SOCS6: variants seen among roughly 807,000 people sequenced by gnomAD.
SOCS6 encodes suppressor of cytokine signaling 6.
A neutral mutation model predicts 27.7 loss-of-function variants in SOCS6; 5 were observed. The observed-to-expected ratio is 0.18, with a 90% confidence interval of 0.09 to 0.38. SOCS6 has a LOEUF of 0.38. Among genes scored for constraint, SOCS6 ranks in the 10% least tolerant of loss-of-function variants. The pLI is 1.00. For missense variants in SOCS6, 595 were observed against 688.1 expected, an observed-to-expected ratio of 0.86 and a Z score of 1.51; for synonymous variants, 271 against 260.0, an observed-to-expected ratio of 1.04 and a Z score of -0.41.
intron 1 of SOCS6, among the ~76,000 whole-genome samples, chr18:70,304,978 G>A (rs993260709): frequency 2.0e-5 from 3 of 152,094 alleles, no homozygotes; most frequent in African/African-American, 7.2e-5. Flanking sequence ...ATGCCGAGGT[G>A]GGCGGATCTG....
At chr18:70,324,494 T>C (rs1312722908) in intron 1 of SOCS6, 49 bp from the exon 2 acceptor site, 6 of 518,452 alleles carry the variant, frequency 1.2e-5, no homozygotes, top group South Asian at 2.8e-5. Flanking sequence ...AACAAAACTT[T>C]TGTGGAAATA....
Position 70,328,840 on chromosome 18 carries a change from A to AAG in SOCS6, c.*2574_*2575dup, listed in dbSNP as rs879812271. ...TCCAGTTAAAAGTGGAAACAGGGAA[A>AAG]AGAGAGAGAGAAAACTCATCATTTA... On this transcript the variant is annotated 3_prime_UTR_variant, in exon 2 of 2. Coordinates refer to ENST00000397942, the MANE Select transcript of SOCS6 (RefSeq NM_004232.4). 3 of 167,052 alleles carry AAG rather than the reference A, an allele frequency of 1.8e-5. No individual in the cohort carries two copies. The highest frequency in any genetic ancestry group is 7.2e-5 in the African/African-American group (3 of 41,454). 10.3% of individuals were successfully genotyped at this position (167,052 alleles called of 1,614,324 possible). A position where few individuals can be genotyped will look rare whatever the true frequency, so the allele number is the denominator to read the frequency against.
intron 1 of SOCS6, among the ~76,000 whole-genome samples, chr18:70,289,427 C>G (rs1458042754): frequency 6.8e-6 from 1 of 147,194 alleles, no homozygotes; most frequent in Non-Finnish European, 1.5e-5. Context: ...GCGGACGGCT[C>G]TTCTCGACCC....
chr18:70,293,400 C>G (rs987270890), intron 1 of SOCS6, among the ~76,000 whole-genome samples: 4 of 152,142 alleles, frequency 2.6e-5, no homozygotes, highest in African/African-American at 9.7e-5. Context: ...CTGAGTGACT[C>G]AAGTACCAGA....
At chr18:70,316,707 T>C (rs1410317834) in intron 1 of SOCS6, among the ~76,000 whole-genome samples, 1 of 152,192 alleles carries the variant, frequency 6.6e-6, no homozygotes, top group Non-Finnish European at 1.5e-5. Flanking sequence ...GGACTCTTTT[T>C]TTTCTTCAAA....
intron 1 of SOCS6, among the ~76,000 whole-genome samples, chr18:70,292,368 C>G (rs2062303574): frequency 6.6e-6 from 1 of 152,212 alleles, no homozygotes; most frequent in African/African-American, 2.4e-5. Context: ...AAATGGGGAT[C>G]TCGCTCTGGT....
intron 1 of SOCS6, among the ~76,000 whole-genome samples, chr18:70,318,685 C>G (rs1278406706): frequency 1.3e-5 from 2 of 151,778 alleles, no homozygotes; most frequent in African/African-American, 4.8e-5. Context: ...CGCCTGTAAT[C>G]CCAGCACTTT....
At chr18:70,315,035 C>T (rs1036319370) in intron 1 of SOCS6, among the ~76,000 whole-genome samples, 1 of 151,970 alleles carries the variant, frequency 6.6e-6, no homozygotes, top group African/African-American at 2.4e-5. Context: ...AAATTAGAGC[C>T]ACGTTAGCAA....
intron 1 of SOCS6, among the ~76,000 whole-genome samples, chr18:70,305,726 T>C (rs1235957677): frequency 6.6e-6 from 1 of 152,234 alleles, no homozygotes; most frequent in East Asian, 1.9e-4. Context: ...CTCTATATTC[T>C]CTTAGCAGTG....
intron 1 of SOCS6, among the ~76,000 whole-genome samples, chr18:70,299,625 G>C (rs1427612757): frequency 6.6e-6 from 1 of 152,150 alleles, no homozygotes; most frequent in African/African-American, 2.4e-5. Context: ...GCCCCATCCA[G>C]AGGCCATCTA....
At chr18:70,318,663 C>A (rs117513412) in intron 1 of SOCS6, among the ~76,000 whole-genome samples, 1 of 151,318 alleles carries the variant, frequency 6.6e-6, no homozygotes, top group Non-Finnish European at 1.5e-5. Flanking sequence ...CTAGGCCGGA[C>A]GTGGTGGCTC....
chr18:70,292,425 C>G (rs895484707), intron 1 of SOCS6, among the ~76,000 whole-genome samples: 1 of 152,250 alleles, frequency 6.6e-6, no homozygotes, highest in Non-Finnish European at 1.5e-5. Flanking sequence ...ACTGCAGCCT[C>G]GACCTCCCAG....
At chr18:70,318,555 A>G (rs973661190) in intron 1 of SOCS6, among the ~76,000 whole-genome samples, 4 of 151,952 alleles carry the variant, frequency 2.6e-5, no homozygotes, top group African/African-American at 9.7e-5. Flanking sequence ...ATTTTATGAT[A>G]TTTTGAAACT....
rs7231397 is a variant in SOCS6, at chr18:70,328,598, A to T, written c.*2322A>T. 17,603 of 166,942 alleles carry T rather than the reference A, an allele frequency of 0.11. 1,020 individuals are homozygous for T. Among genetic ancestry groups the T allele is most frequent in the Middle Eastern group, 0.22 (64 of 296 alleles). 10.3% of individuals were successfully genotyped at this position (166,942 alleles called of 1,614,324 possible). A position where few individuals can be genotyped will look rare whatever the true frequency, so the allele number is the denominator to read the frequency against. ...GCCAAATTTTGATGCGCTTTTGTAT[A>T]TTCATAATATATACTTTAATATGCC... is the stretch of plus-strand genomic sequence containing the variant. On this transcript the variant is annotated 3_prime_UTR_variant, in exon 2 of 2. Transcript: ENST00000397942.
At chr18:70,295,635 C>T (rs555697891) in intron 1 of SOCS6, among the ~76,000 whole-genome samples, 31 of 152,140 alleles carry the variant, frequency 2.0e-4, no homozygotes, top group Non-Finnish European at 4.0e-4. Context: ...ACATTATTGC[C>T]AAATATCACA....
rs1389697012 is a variant in SOCS6, at chr18:70,327,643, T to C, written c.*1367T>C. On this transcript the variant is annotated 3_prime_UTR_variant, in exon 2 of 2. Transcript: ENST00000397942. ...TTATATTCAATAATTTTTAGTTATT[T>C]TGTAATGCAGAGTGTTTATTCATTT... 6.0e-6 allele frequency: 1 copy of C among 167,050 alleles called. No individual in the cohort carries two copies. The highest frequency in any genetic ancestry group is 1.9e-4 in the East Asian group (1 of 5,208). 10.3% of individuals were successfully genotyped at this position (167,050 alleles called of 1,614,324 possible).
chr18:70,323,102 G>A (rs563727975), intron 1 of SOCS6, among the ~76,000 whole-genome samples: 36 of 152,306 alleles, frequency 2.4e-4, no homozygotes, highest in African/African-American at 8.7e-4. Context: ...ATTCATGAAT[G>A]GGATCAAAGC....
chr18:70,300,813 CTTAA>C (rs1568597633), intron 1 of SOCS6, among the ~76,000 whole-genome samples: 1 of 152,098 alleles, frequency 6.6e-6, no homozygotes, highest in African/African-American at 2.4e-5. Flanking sequence ...TAAATTTATT[CTTAA>C]TTTAAGTTAA....
chr18:70,292,550 T>C (rs943554623), intron 1 of SOCS6, among the ~76,000 whole-genome samples: 3 of 152,198 alleles, frequency 2.0e-5, no homozygotes, highest in Non-Finnish European at 4.4e-5. Flanking sequence ...GGTTTCCTTA[T>C]GTTGCCCAGT....
Sources: gnomAD v4.1 joint callset for allele counts (sites outside exome capture counted in the v4.1 genomes callset) on GRCh38, gnomAD v4.1.1 for gene constraint, MANE v1.5 for transcripts, NCBI Gene and HGNC (gene_info 2026-07-23, HGNC 2026-07-21) for gene names.